CNIH3: variants seen among roughly 807,000 people sequenced by gnomAD.
The protein encoded by CNIH3 is cornichon family AMPA receptor auxiliary protein 3.
Under a neutral mutation model 24.1 loss-of-function variants are expected in CNIH3, and 14 were observed. The observed-to-expected ratio is 0.58, with a 90% CI of 0.38 to 0.91. CNIH3 has a LOEUF of 0.91. Among genes scored for constraint, CNIH3 ranks in the 40% least tolerant of loss-of-function variants. CNIH3 has a pLI of 0.00. For synonymous variants in CNIH3, 68 were observed against 73.8 expected (o/e 0.92, Z 0.40); for missense variants, 178 against 196.8 (o/e 0.90, Z 0.57).
chr1:224,732,828 A>G (rs753304202), intron 4 of CNIH3, among the ~76,000 whole-genome samples: 12 of 152,162 alleles, frequency 7.9e-5, no homozygotes, highest in South Asian at 2.1e-4. Context: ...GTTGATCTCT[A>G]TGGAGGAAGG....
At chr1:224,489,724 T>C (rs747678069) in intron 1 of CNIH3, among the ~76,000 whole-genome samples, 1 of 152,208 alleles carries the variant, frequency 6.6e-6, no homozygotes, top group Non-Finnish European at 1.5e-5. Flanking sequence ...CAAAACACCA[T>C]AGACTGGGCA....
chr1:224,581,712 G>A (rs528245051), intron 4 of CNIH3, among the ~76,000 whole-genome samples: 33 of 152,288 alleles, frequency 2.2e-4, no homozygotes, highest in African/African-American at 6.5e-4. Context: ...TTATTGATTG[G>A]TTGGCTTTTT....
chr1:224,630,965 C>T (rs1683789998), intron 1 of CNIH3, among the ~76,000 whole-genome samples: 1 of 152,034 alleles, frequency 6.6e-6, no homozygotes, highest in African/African-American at 2.4e-5. Context: ...TTGAGACCAG[C>T]CTGGCCAACA....
At chr1:224,462,308 T>G (rs1675948480) in intron 1 of CNIH3, among the ~76,000 whole-genome samples, 1 of 152,192 alleles carries the variant, frequency 6.6e-6, no homozygotes, top group African/African-American at 2.4e-5. Flanking sequence ...CAGAGTAGTT[T>G]CACTGCCCTA....
At chr1:224,672,611 G>C (rs1685924905) in intron 1 of CNIH3, among the ~76,000 whole-genome samples, 1 of 152,130 alleles carries the variant, frequency 6.6e-6, no homozygotes, top group Non-Finnish European at 1.5e-5. Flanking sequence ...TCCAATTGCA[G>C]CCTCTGTCTT....
intron 1 of CNIH3, among the ~76,000 whole-genome samples, chr1:224,485,588 G>A (rs1356050258): frequency 1.3e-5 from 2 of 152,074 alleles, no homozygotes; most frequent in African/African-American, 2.4e-5. Context: ...GAACTCCTGG[G>A]CCCAAGCAAT....
chr1:224,450,681 C>CTAGAT (rs372967869), intron 1 of CNIH3, among the ~76,000 whole-genome samples: 42 of 152,296 alleles, frequency 2.8e-4, no homozygotes, highest in African/African-American at 9.6e-4. Context: ...TTAAGATGTA[C>CTAGAT]TAGATACTTA....
intron 3 of CNIH3, among the ~76,000 whole-genome samples, chr1:224,556,952 C>T (rs1680163980): frequency 6.6e-6 from 1 of 152,214 alleles, no homozygotes; most frequent in African/African-American, 2.4e-5. Context: ...TCCTGGACTA[C>T]AAGGAGCACA....
intron 1 of CNIH3, among the ~76,000 whole-genome samples, chr1:224,479,831 A>G (rs1676733467): frequency 6.6e-6 from 1 of 152,084 alleles, no homozygotes; most frequent in African/African-American, 2.4e-5. Context: ...GGCTGCTTTC[A>G]TGGGCTGGCA....
At chr1:224,609,951 T>A (rs2125050351) in intron 3 of CNIH3, among the ~76,000 whole-genome samples, 1 of 152,350 alleles carries the variant, frequency 6.6e-6, no homozygotes, top group East Asian at 1.9e-4. Context: ...CTGTTCATCT[T>A]AAGATTTTTC....
intron 1 of CNIH3, among the ~76,000 whole-genome samples, chr1:224,630,661 CTT>C (rs752499186): frequency 1.3e-5 from 2 of 152,166 alleles, no homozygotes; most frequent in Admixed American, 6.5e-5. Flanking sequence ...AGTTAGCACT[CTT>C]TGGGCTGAAT....
chr1:224,488,759 T>C (rs1361272215), intron 1 of CNIH3, among the ~76,000 whole-genome samples: 4 of 151,814 alleles, frequency 2.6e-5, no homozygotes, highest in Admixed American at 1.3e-4. Context: ...TGAGCCATCA[T>C]GCCTGGCCCC....
chr1:224,440,049 A>C (rs951833890), intron 1 of CNIH3, among the ~76,000 whole-genome samples: 3 of 152,106 alleles, frequency 2.0e-5, no homozygotes, highest in African/African-American at 7.2e-5. Flanking sequence ...CGGCCTCCCA[A>C]AGTGTTGGGA....
intron 1 of CNIH3, among the ~76,000 whole-genome samples, chr1:224,452,833 G>T (rs1019235250): frequency 6.0e-5 from 8 of 133,582 alleles, no homozygotes; most frequent in Non-Finnish European, 1.3e-4. Flanking sequence ...GATAGCTTAA[G>T]ATTATGGCCA....
intron 1 of CNIH3, chr1:224,661,529 C>A: frequency 3.0e-6 from 1 of 335,788 alleles, no homozygotes; most frequent in South Asian, 3.2e-5. Context: ...CCAAAGAAGT[C>A]CTCAAATAGA....
chr1:224,575,566 G>T (rs1487988999), intron 4 of CNIH3, among the ~76,000 whole-genome samples: 1 of 152,060 alleles, frequency 6.6e-6, no homozygotes, highest in African/African-American at 2.4e-5. Flanking sequence ...TGTCAATAGA[G>T]TAGCTTTGCT....
intron 3 of CNIH3, among the ~76,000 whole-genome samples, chr1:224,551,674 T>C (rs1353188417): frequency 6.6e-6 from 1 of 152,030 alleles, no homozygotes; most frequent in Non-Finnish European, 1.5e-5. Flanking sequence ...TCACAGTGTG[T>C]ACACCCTGGA....
At chr1:224,700,597 G>A (rs1038303947) in intron 3 of CNIH3, among the ~76,000 whole-genome samples, 1 of 152,206 alleles carries the variant, frequency 6.6e-6, no homozygotes, top group Non-Finnish European at 1.5e-5. Flanking sequence ...GCAAGACTTG[G>A]ATCCTCTTTC....
chr1:224,716,321 C>T (rs1688427088), intron 3 of CNIH3, among the ~76,000 whole-genome samples: 1 of 152,192 alleles, frequency 6.6e-6, no homozygotes. Context: ...CAACATTCTC[C>T]TTCATAAAAA....
Sources: gnomAD v4.1 joint callset for allele counts (sites outside exome capture counted in the v4.1 genomes callset) on GRCh38, gnomAD v4.1.1 for gene constraint, MANE v1.5 for transcripts, NCBI Gene and HGNC (gene_info 2026-07-23, HGNC 2026-07-21) for gene names.